Variants in PDGFC observed in about 807,000 individuals in gnomAD.
PDGFC encodes platelet derived growth factor C.
A neutral mutation model predicts 35.5 loss-of-function variants in PDGFC; 12 were observed. That is an observed-to-expected ratio of 0.34 (90% CI 0.22 to 0.55). The LOEUF is 0.55. PDGFC is among the 20% of genes least tolerant of loss of function. The pLI is 0.91. For missense variants in PDGFC, 322 were observed against 412.4 expected (o/e 0.78, Z 1.90); for synonymous variants, 159 against 148.8 (o/e 1.07, Z -0.50).
At chr4:156,857,796 G>A (rs533422621) in intron 1 of PDGFC, among the ~76,000 whole-genome samples, 5 of 152,102 alleles carry the variant, frequency 3.3e-5, no homozygotes, top group South Asian at 2.1e-4. Flanking sequence ...AGACAATTTC[G>A]GGTATGGAAG....
At chr4:156,831,471 C>A (rs1728931700) in intron 2 of PDGFC, among the ~76,000 whole-genome samples, 1 of 124,102 alleles carries the variant, frequency 8.1e-6, no homozygotes, top group Non-Finnish European at 1.6e-5. Flanking sequence ...TGAGATGGAG[C>A]CTTGCTCTAT....
At position 156,905,970 on chromosome 4, in the gene PDGFC, C is replaced by A. The variant is rs76201420; in HGVS notation, c.119-55554G>T. Among the ~76,000 whole-genome samples the A allele has an allele frequency of 8.3e-3, 1,268 of 152,146 alleles. 16 individuals carry two copies. Among genetic ancestry groups the A allele is most frequent in the African/African-American group, 0.029 (1,217 of 41,520 alleles). On this transcript the variant is annotated intron_variant, in intron 1 of 5. Transcript: ENST00000502773. Reference sequence around the variant, plus strand: ...TATGTAAAGTGTCAGTGACCAAAAGCAACAGATGAAACCCAGTATTAAAAG... The same window carrying A: ...TATGTAAAGTGTCAGTGACCAAAAGAAACAGATGAAACCCAGTATTAAAAG...
intron 1 of PDGFC, among the ~76,000 whole-genome samples, chr4:156,955,066 G>C (rs1009836749): frequency 6.6e-6 from 1 of 152,036 alleles, no homozygotes; most frequent in African/African-American, 2.4e-5. Flanking sequence ...AGAGTTTAGA[G>C]AAGAGAGACA....
intron 1 of PDGFC, among the ~76,000 whole-genome samples, chr4:156,907,560 C>T (rs1384305264): frequency 6.6e-6 from 1 of 152,142 alleles, no homozygotes; most frequent in Non-Finnish European, 1.5e-5. Context: ...ACTCACTAGT[C>T]CTCATGGTTG....
chr4:156,841,029 T>C (rs1729191036), intron 2 of PDGFC, among the ~76,000 whole-genome samples: 1 of 152,080 alleles, frequency 6.6e-6, no homozygotes, highest in Non-Finnish European at 1.5e-5. Context: ...ACTTGCCTTG[T>C]CTCAAATGAG....
intron 1 of PDGFC, among the ~76,000 whole-genome samples, chr4:156,937,846 G>T (rs1323393390): frequency 1.3e-5 from 2 of 152,024 alleles, no homozygotes; most frequent in African/African-American, 4.8e-5. Flanking sequence ...TATTTCAGTA[G>T]CAACTTGATT....
rs3042796 is a variant in PDGFC at position 156,815,323 on chromosome 4, T to TACAC, written c.315-4310_315-4307dup. On this transcript the variant is annotated intron_variant, in intron 2 of 5. Transcript: ENST00000502773. ...TAAAGTTATTAATGAAATAATTTTT[T>TACAC]ACACACACACACACACACACACACA... Among the ~76,000 whole-genome samples the TACAC allele has an allele frequency of 5.6e-3, 811 of 145,074 alleles. 3 individuals are homozygous for TACAC. Among genetic ancestry groups the TACAC allele is most frequent in the South Asian group, 0.024 (107 of 4,446 alleles).
intron 1 of PDGFC, among the ~76,000 whole-genome samples, chr4:156,907,104 A>C (rs929675555): frequency 6.6e-6 from 1 of 152,200 alleles, no homozygotes; most frequent in Non-Finnish European, 1.5e-5. Context: ...CCAGTATCTT[A>C]GATTAGGAGA....
chr4:156,790,622 A>G (rs1579010469), intron 3 of PDGFC, among the ~76,000 whole-genome samples: 1 of 152,230 alleles, frequency 6.6e-6, no homozygotes, highest in Admixed American at 6.5e-5. Context: ...TCAGCAAACA[A>G]TGTATGTCTA....
At chr4:156,896,896 T>C (rs1240410505) in intron 1 of PDGFC, among the ~76,000 whole-genome samples, 2 of 152,176 alleles carry the variant, frequency 1.3e-5, no homozygotes, top group Non-Finnish European at 2.9e-5. Context: ...TAGAAGCAAG[T>C]ATTCTCTCAA....
At chr4:156,933,377 T>C (rs1246483416) in intron 1 of PDGFC, among the ~76,000 whole-genome samples, 1 of 152,200 alleles carries the variant, frequency 6.6e-6, no homozygotes, top group Non-Finnish European at 1.5e-5. Context: ...TTGGCAGACA[T>C]GCACAGACAC....
At position 156,891,920 on chromosome 4, in the gene PDGFC, G is replaced by A. The variant is rs116993735; in HGVS notation, c.119-41504C>T. ...TAAAGAGTTTTATAACTGAATAACT[G>A]GAACATAAACCCAAACTAGTACTCT... On this transcript the variant is annotated intron_variant, in intron 1 of 5. Transcript: ENST00000502773. Among the ~76,000 whole-genome samples, 35 of 152,200 alleles carry A rather than the reference G, an allele frequency of 2.3e-4. No homozygotes were observed. In the East Asian group the frequency reaches 6.0e-3, roughly 26 times the overall value.
Position 156,829,351 on chromosome 4 carries a change from C to A in PDGFC, c.315-18334G>T, listed in dbSNP as rs113296240. On this transcript the variant is annotated intron_variant, in intron 2 of 5. Transcript: ENST00000502773. The stretch of plus-strand genomic sequence containing the variant: ...AGCATTTCAGATTGTTAGGTGATTT[C>A]ATCATTGTAATAAGTCCTGCTAAGG... Among the ~76,000 whole-genome samples, 168 of 152,252 alleles carry A rather than the reference C, an allele frequency of 1.1e-3. 1 individual carries two copies. Among genetic ancestry groups the A allele is most frequent in the Admixed American group, 5.2e-3 (80 of 15,290 alleles).
chr4:156,903,424 T>A (rs1038249318), intron 1 of PDGFC, among the ~76,000 whole-genome samples: 1 of 152,112 alleles, frequency 6.6e-6, no homozygotes, highest in South Asian at 2.1e-4. Flanking sequence ...CAAGGATTTA[T>A]AATGTTCCAA....
chr4:156,964,388 C>CTATA (rs141220599), intron 1 of PDGFC, among the ~76,000 whole-genome samples: 1 of 146,076 alleles, frequency 6.8e-6, no homozygotes, highest in Admixed American at 6.9e-5. Context: ...GAAGTTATCA[C>CTATA]TATATATATA....
At chr4:156,847,263 G>A (rs568743996) in intron 2 of PDGFC, among the ~76,000 whole-genome samples, 1 of 151,698 alleles carries the variant, frequency 6.6e-6, no homozygotes, top group Non-Finnish European at 1.5e-5. Flanking sequence ...ATACGTAAGT[G>A]ATCAAAGCTA....
At chr4:156,829,550 T>A (rs1409564480) in intron 2 of PDGFC, among the ~76,000 whole-genome samples, 1 of 152,192 alleles carries the variant, frequency 6.6e-6, no homozygotes, top group Non-Finnish European at 1.5e-5. Context: ...TCTATTTATT[T>A]ATTGCTTTAT....
At chr4:156,954,598 G>A (rs1732161031) in intron 1 of PDGFC, among the ~76,000 whole-genome samples, 1 of 151,812 alleles carries the variant, frequency 6.6e-6, no homozygotes, top group Non-Finnish European at 1.5e-5. Context: ...AAAGTTCCCT[G>A]TTTAAAAATA....
chr4:156,884,808 A>G (rs1387399919), intron 1 of PDGFC, among the ~76,000 whole-genome samples: 1 of 152,208 alleles, frequency 6.6e-6, no homozygotes, highest in Non-Finnish European at 1.5e-5. Context: ...AATAGAAAGC[A>G]TTTCATTGAA....
Sources: allele counts gnomAD v4.1 joint callset (sites outside exome capture counted in the v4.1 genomes callset), GRCh38; gene constraint gnomAD v4.1.1; transcripts MANE v1.5; gene names NCBI Gene and HGNC (gene_info 2026-07-23, HGNC 2026-07-21).